The following IWS1 variants were observed in gnomAD, a reference collection of about 807,000 sequenced individuals.
IWS1 encodes the protein interacts with SUPT6H, CTD assembly factor 1, also known as protein IWS1 homolog.
In IWS1, 27 loss-of-function variants were observed where a neutral mutation model predicts 86.7. That is an observed-to-expected ratio of 0.31 (90% confidence interval 0.23 to 0.43). IWS1 has a LOEUF of 0.43. Among genes scored for constraint, IWS1 ranks in the 20% least tolerant of loss-of-function variants. The pLI is 1.00. For missense variants in IWS1, 827 were observed against 1,000.8 expected (o/e 0.83, Z 2.34); for synonymous variants, 313 against 335.1 (o/e 0.93, Z 0.72).
intron 2 of IWS1, among the ~76,000 whole-genome samples, chr2:127,510,201 C>T (rs964254063): frequency 2.6e-5 from 4 of 152,172 alleles, no homozygotes; most frequent in African/African-American, 2.4e-5. Flanking sequence ...ATAGCTGAAA[C>T]TATCATACTG....
intron 10 of IWS1, among the ~76,000 whole-genome samples, chr2:127,490,587 T>A (rs749625009): frequency 6.6e-6 from 1 of 152,186 alleles, no homozygotes; most frequent in Non-Finnish European, 1.5e-5. Flanking sequence ...AGGACCTTTA[T>A]AGACCGAACA....
intron 2 of IWS1, among the ~76,000 whole-genome samples, chr2:127,515,211 T>C (rs1691704706): frequency 1.3e-5 from 2 of 152,226 alleles, no homozygotes; most frequent in South Asian, 4.1e-4. Context: ...CCCAAGGGGT[T>C]AGTGGGAAAT....
chr2:127,496,886 T>C lies in IWS1; in HGVS notation c.1566-738A>G, dbSNP rs1479407033. Among the ~76,000 whole-genome samples the C allele has an allele frequency of 3.3e-5, 5 of 152,204 alleles. No homozygotes were observed. In the South Asian group the frequency reaches 1.0e-3, roughly 32 times the overall value. ...AGCCACCACGTCCAACTATATTGTA[T>C]TTTAACTGCAACTTTTCTATGTTTA... On this transcript the variant is annotated intron_variant, in intron 6 of 13. Coordinates refer to ENST00000295321, the MANE Select transcript of IWS1 (RefSeq NM_017969.3).
chr2:127,487,424 T>C (rs546365999), intron 12 of IWS1, among the ~76,000 whole-genome samples: 1 of 152,360 alleles, frequency 6.6e-6, no homozygotes, highest in Admixed American at 6.5e-5. Context: ...AGCCTATCTA[T>C]GGATGCCTGG....
At chr2:127,514,722 G>A (rs893036776) in intron 2 of IWS1, 1 of 152,672 alleles carries the variant, frequency 6.5e-6, no homozygotes, top group East Asian at 1.9e-4. Flanking sequence ...TCGGTGCCTG[G>A]AGCTGCCCGC....
At position 127,494,895 on chromosome 2, in the gene IWS1, A is replaced by C; in HGVS notation, c.1776T>G (p.Pro592=). ...KPALKKLTLL[P]AVVMHLKKQD... ...ACTTCTTAAGGTGCATAACTACAGC[A>C]GGCAGTAAAGTTAATTTTTTCAGTG... is the stretch of plus-strand genomic sequence containing the variant. Residue 592 remains proline, a synonymous_variant, in exon 8 of 14, where the codon CCT becomes CCG. Transcript: ENST00000295321. The C allele has an allele frequency of 6.2e-7, 1 of 1,602,248 alleles. No homozygotes were observed. Among genetic ancestry groups the C allele is most frequent in the Non-Finnish European group, 8.5e-7 (1 of 1,172,544 alleles).
intron 8 of IWS1, among the ~76,000 whole-genome samples, chr2:127,493,836 C>CAAAAAAAAAAAA (rs35810945): frequency 1.1e-5 from 1 of 93,028 alleles, no homozygotes; most frequent in Non-Finnish European, 2.4e-5. Context: ...ACTGGCAGGA[C>CAAAAAAAAAAAA]AAAAAAAAAA....
At position 127,499,083 on chromosome 2, in the gene IWS1, A is replaced by ATTTATC. The variant is rs1690663455; in HGVS notation, c.1468-847_1468-846insGATAAA. On this transcript the variant is annotated intron_variant, in intron 5 of 13. Transcript: ENST00000295321. This position sits in a 1 kb window ranked among gnomAD's most constrained non-coding sequence, Gnocchi z 4.0. ...TTTATGCTAATATTTGCCAGGCATA[A>ATTTATC]TTTTTCTTTTTCTTTTTTTTTTTTT... 8.1e-6 allele frequency among the ~76,000 whole-genome samples: 1 copy of ATTTATC among 122,814 alleles called. No individual in the cohort carries two copies. The highest frequency in any genetic ancestry group is 3.2e-5 in the African/African-American group (1 of 31,722). The allele number at this position is 122,814 out of a possible 152,430, so 80.6% of individuals were successfully genotyped here.
intron 2 of IWS1, among the ~76,000 whole-genome samples, chr2:127,522,058 T>G (rs370384776): frequency 4.0e-4 from 61 of 152,352 alleles, no homozygotes; most frequent in African/African-American, 1.4e-3. Flanking sequence ...TTATTCTGAA[T>G]GTTTAAAAGC....
intron 10 of IWS1, 151 bp downstream of exon 10, chr2:127,491,820 C>A: frequency 1.7e-6 from 1 of 597,848 alleles, no homozygotes; most frequent in East Asian, 2.7e-5. Context: ...AGAGAAAATG[C>A]TAGTACCTGT....
At chr2:127,486,715 G>T in intron 12 of IWS1, 51 bp from the exon 13 acceptor site, 1 of 1,372,348 alleles carries the variant, frequency 7.3e-7, no homozygotes, top group Non-Finnish European at 1.0e-6. Context: ...AGCCACAGTG[G>T]GGCACATAGG....
chr2:127,520,728 C>T lies in IWS1; in HGVS notation c.150+2948G>A, dbSNP rs1692048516. ...CTTAGTCTCTAATCTCGTTAATTCT[C>T]CTGGCAGCTTTCTAAGGAAACAATA... On this transcript the variant is annotated intron_variant, in intron 2 of 13. Transcript: ENST00000295321. 2.0e-5 allele frequency among the ~76,000 whole-genome samples: 3 copies of T among 152,162 alleles called. No individual in the cohort carries two copies. The South Asian group carries it at 6.2e-4, about 31-fold the overall frequency.
chr2:127,483,523 T>A (rs1056047226), intron 13 of IWS1, among the ~76,000 whole-genome samples: 2 of 141,580 alleles, frequency 1.4e-5, no homozygotes, highest in African/African-American at 5.3e-5. Flanking sequence ...AAATGATAAA[T>A]CGACTAGGTG....
intron 8 of IWS1, among the ~76,000 whole-genome samples, 174 bp from the exon 9 acceptor site, chr2:127,493,584 T>C (rs1690346895): frequency 6.6e-6 from 1 of 152,212 alleles, no homozygotes; most frequent in Admixed American, 6.5e-5. Flanking sequence ...ATTTAGTTCT[T>C]ATTTTCCAGA....
Position 127,493,320 on chromosome 2 carries a change from T to C in IWS1, c.1890A>G (p.Ala630=), listed in dbSNP as rs1336727129. The part of the protein sequence containing the change: ...LSPLPDRSLP[A]LKIREELLKI... ...TCAGCAGCTCCTCCCGGATCTTGAG[T>C]GCAGGCAAACTCCTATCTGGTAGAG... Residue 630 remains alanine (A), a synonymous_variant, in exon 9 of 14, where the codon GCA becomes GCG. Transcript: ENST00000295321. 1.2e-6 allele frequency: 2 copies of C among 1,613,708 alleles called. No homozygotes were observed. The highest frequency in any genetic ancestry group is 1.7e-6 in the Non-Finnish European group (2 of 1,179,906).
chr2:127,489,769 C>A lies in IWS1; in HGVS notation c.2159+63G>T. On this transcript the variant is annotated intron_variant, in intron 11 of 13. Transcript: ENST00000295321. The surrounding 1 kb of genome is among the most constrained non-coding windows in gnomAD (Gnocchi z 4.8). ...TCTTGCAGGCTTCCTAATGATCTTA[C>A]TTAAAACTGAGTTACTGCAACAATA... 1.1e-6 allele frequency: 1 copy of A among 923,268 alleles called. No individual in the cohort carries two copies. The highest frequency in any genetic ancestry group is 1.8e-6 in the Non-Finnish European group (1 of 554,106). 57.2% of individuals were successfully genotyped at this position (923,268 alleles called of 1,614,324 possible).
chr2:127,487,007 A>G (rs1328420673), intron 12 of IWS1, among the ~76,000 whole-genome samples: 1 of 152,156 alleles, frequency 6.6e-6, no homozygotes, highest in Admixed American at 6.5e-5. Context: ...TCTCTTGTAT[A>G]GTGGAGTCAC....
chr2:127,486,413 T>C (rs944742107), intron 13 of IWS1, 140 bp downstream of exon 13: 1 of 610,368 alleles, frequency 1.6e-6, no homozygotes, highest in Non-Finnish European at 3.0e-6. Flanking sequence ...ATTTGTGGTT[T>C]GGCTAGATAA....
At position 127,496,077 on chromosome 2, in the gene IWS1, T is replaced by C. The variant is rs1258870762; in HGVS notation, c.1637A>G (p.Asn546Ser). 1 of 1,614,044 alleles carries C rather than the reference T, an allele frequency of 6.2e-7. No homozygotes were observed. The highest frequency in any genetic ancestry group is 1.1e-5 in the South Asian group (1 of 91,070). ...KKSMSGKRRR[N>S]RDGGTFISDA... ...ACTAATAAAGGTGCCACCATCGCGGTTCCGTCTGCGCTTGCCACTCATGCT... is the reference window on the plus strand; with the variant it reads ...ACTAATAAAGGTGCCACCATCGCGGCTCCGTCTGCGCTTGCCACTCATGCT... Residue 546 changes from asparagine to serine, a missense_variant, in exon 7 of 14, where the codon AAC becomes AGC. Asn to Ser is a conservative substitution (Grantham distance 46, BLOSUM62 1). This residue lies in a region of IWS1 where 279 missense variants were observed against 440.6 expected (regional missense o/e 0.63). Transcript: ENST00000295321.
Sources: allele counts gnomAD v4.1 joint callset (sites outside exome capture counted in the v4.1 genomes callset), GRCh38; gene constraint gnomAD v4.1.1; regional missense constraint gnomAD v4.1.1; non-coding constraint Gnocchi (gnomAD v3.1); transcripts MANE v1.5; gene names NCBI Gene and HGNC (gene_info 2026-07-23, HGNC 2026-07-21).